LRRIQ1: variants seen among roughly 807,000 people sequenced by gnomAD.
LRRIQ1 encodes leucine rich repeats and IQ motif containing 1, also known as leucine-rich repeat- and IQ domain-containing protein 1.
LRRIQ1 carries 210 observed loss-of-function variants against 211.9 expected under a neutral mutation model. The ratio of observed to expected loss-of-function variants is 0.99; its 90% CI spans 0.89 to 1.11. The LOEUF is 1.11. LRRIQ1 is among the 50% of genes most tolerant of loss of function. The pLI, the probability that LRRIQ1 is intolerant of heterozygous loss-of-function variation, is 0.00. For synonymous variants in LRRIQ1, 699 were observed against 650.1 expected (o/e 1.08, Z -1.14); for missense variants, 2,136 against 1,939.5 (o/e 1.10, Z -1.90).
At position 85,056,403 on chromosome 12, in the gene LRRIQ1, A is replaced by G. The variant is rs762375963; in HGVS notation, c.1610A>G (p.Glu537Gly). 47 of 1,588,482 alleles carry G rather than the reference A, an allele frequency of 3.0e-5. 1 individual carries two copies. The South Asian group carries it at 5.6e-4, about 19-fold the overall frequency. ...GAATTAAAGTCTGATGCACAAAAAG[A>G]AGAAAAAATCATGAAACATGTCATA... ...LQELKSDAQK[E>G]EKIMKHVINE... Residue 537 changes from glutamate (E) to glycine (G), a missense_variant, in exon 8 of 27, where the codon GAA becomes GGA. By Grantham distance (98) the Glu-to-Gly change is moderately conservative. Transcript: ENST00000393217.
At chr12:85,197,227 G>T (rs1417974783) in intron 24 of LRRIQ1, among the ~76,000 whole-genome samples, 5 of 151,810 alleles carry the variant, frequency 3.3e-5, no homozygotes, top group African/African-American at 9.7e-5. Context: ...TACACTGTTG[G>T]TGGGACTTTA....
intron 24 of LRRIQ1, among the ~76,000 whole-genome samples, chr12:85,198,611 A>T (rs1021474623): frequency 1.3e-5 from 2 of 149,644 alleles, no homozygotes; most frequent in African/African-American, 5.0e-5. Flanking sequence ...TCTGTTTCCC[A>T]GGCTGGAGTG....
chr12:85,113,907 T>TTGTGTG (rs71076112), intron 15 of LRRIQ1, among the ~76,000 whole-genome samples: 3,948 of 140,930 alleles, frequency 0.028, 76 homozygotes, highest in African/African-American at 0.055. Flanking sequence ...CAAATGAGTT[T>TTGTGTG]TGTGTGTGTG....
chr12:85,154,119 A>T, intron 23 of LRRIQ1, 25 bp downstream of exon 23: 1 of 1,296,320 alleles, frequency 7.7e-7, no homozygotes, highest in South Asian at 1.6e-5. Flanking sequence ...CTCTTTGAAT[A>T]ATAACTGTGT....
At chr12:85,218,260 CT>C (rs1226430023) in intron 24 of LRRIQ1, among the ~76,000 whole-genome samples, 1 of 151,786 alleles carries the variant, frequency 6.6e-6, no homozygotes, top group Non-Finnish European at 1.5e-5. Flanking sequence ...ATTTTTCTGG[CT>C]AGTTTTGTGT....
chr12:85,085,196 T>C (rs556456543), intron 11 of LRRIQ1, among the ~76,000 whole-genome samples: 1 of 152,204 alleles, frequency 6.6e-6, no homozygotes, highest in East Asian at 1.9e-4. Flanking sequence ...GACTGGGTAA[T>C]TTATAAAGGG....
chr12:85,251,001 ATAAT>A (rs1288075793), intron 1 of LRRIQ1, among the ~76,000 whole-genome samples: 29 of 121,970 alleles, frequency 2.4e-4, no homozygotes, highest in Non-Finnish European at 3.9e-4. Context: ...TATATTATAT[ATAAT>A]ATATATACCT....
At chr12:85,057,270 A>G in intron 8 of LRRIQ1, 86 bp downstream of exon 8, 1 of 1,022,878 alleles carries the variant, frequency 9.8e-7, no homozygotes, top group African/African-American at 1.7e-5. Context: ...AAAAAGAAAT[A>G]TTTTGTATAC....
In LRRIQ1 at chr12:85,052,227, G is replaced by A. The variant is rs770705858; in HGVS notation, c.729G>A (p.Trp243Ter). 3 of 1,559,284 alleles carry A rather than the reference G, an allele frequency of 1.9e-6. No homozygotes were observed. Among genetic ancestry groups the A allele is most frequent in the Non-Finnish European group, 2.6e-6 (3 of 1,143,552 alleles). Residue 243 changes from tryptophan to a stop codon, truncating the protein, a stop_gained, in exon 7 of 27, where the codon TGG (tryptophan) becomes TGA (stop). Coordinates refer to ENST00000393217, the MANE Select transcript of LRRIQ1 (RefSeq NM_001079910.2). LOFTEE classifies it high-confidence loss of function. ...AACTCTATAAAGAAGAGAAAATTTG[G>A]AAAGAGAAATTTAAACAGCATGAGG... ...NDELYKEEKIWKEKFKQHEEY... is the reference protein window; with the variant it reads ...NDELYKEEKI
In LRRIQ1 at chr12:85,098,402, A is replaced by T; in HGVS notation, c.2935A>T (p.Asn979Tyr). ...KNLQQLILDH[N>Y]QLINTKGLCD... is the part of the protein sequence containing the mutation. Reference sequence around the variant, plus strand: ...TCTTCAACAACTAATTTTGGACCACAATCAGTTAATTAATACAAAAGGTCT... The same window carrying T: ...TCTTCAACAACTAATTTTGGACCACTATCAGTTAATTAATACAAAAGGTCT... Residue 979 changes from asparagine to tyrosine, a missense_variant, in exon 12 of 27, where the codon AAT becomes TAT. Coordinates refer to ENST00000393217, the MANE Select transcript of LRRIQ1 (RefSeq NM_001079910.2). The T allele has an allele frequency of 6.2e-7, 1 of 1,610,024 alleles. No individual in the cohort carries two copies. Among genetic ancestry groups the T allele is most frequent in the Non-Finnish European group, 8.5e-7 (1 of 1,178,246 alleles).
chr12:85,161,587 C>T (rs1890880063), intron 24 of LRRIQ1, among the ~76,000 whole-genome samples: 1 of 152,052 alleles, frequency 6.6e-6, no homozygotes, highest in Non-Finnish European at 1.5e-5. Context: ...TAGGCATCTT[C>T]ATAGCACGAT....
chr12:85,146,952 A>C (rs1229074232), intron 19 of LRRIQ1, among the ~76,000 whole-genome samples: 1 of 151,756 alleles, frequency 6.6e-6, no homozygotes, highest in Non-Finnish European at 1.5e-5. Flanking sequence ...ATTTTTCCTA[A>C]TCATTGCCTA....
Position 85,137,919 on chromosome 12 carries a change from T to A in LRRIQ1, c.4279T>A (p.Ser1427Thr). 1 of 1,543,600 alleles carries A rather than the reference T, an allele frequency of 6.5e-7. No individual in the cohort carries two copies. Among genetic ancestry groups the A allele is most frequent in the Non-Finnish European group, 8.9e-7 (1 of 1,120,608 alleles). Residue 1427 changes from serine (S) to threonine (T), a missense_variant, in exon 19 of 27, where the codon TCC becomes ACC. Coordinates refer to ENST00000393217, the MANE Select transcript of LRRIQ1 (RefSeq NM_001079910.2). ...TALEAIKNEE[S>T]DEEYREIDLE... ...TCTAGAGGCTATTAAGAATGAAGAA[T>A]CCGATGAAGAATACAGAGAAATAGA...
intron 1 of LRRIQ1, among the ~76,000 whole-genome samples, chr12:85,259,579 A>G (rs1896226543): frequency 6.6e-6 from 1 of 152,126 alleles, no homozygotes; most frequent in Non-Finnish European, 1.5e-5. Flanking sequence ...TACTGCTCAA[A>G]TTGTTACTTT....
rs556547145 is a variant in LRRIQ1 at position 85,241,673 on chromosome 12, AAGT to A, written c.5017-3113_5017-3111del. Among the ~76,000 whole-genome samples, 156 of 152,128 alleles carry A rather than the reference AAGT, an allele frequency of 1.0e-3. 1 individual carries two copies. Among genetic ancestry groups the A allele is most frequent in the African/African-American group, 3.4e-3 (140 of 41,554 alleles). Reference sequence around the variant, plus strand: ...TGTTTGATACATATGTAGAAAAACAAAGTAGCATGTAAGGGGACTTCATCTTTA... The same window carrying A: ...TGTTTGATACATATGTAGAAAAACAAAGCATGTAAGGGGACTTCATCTTTA... On this transcript the variant is annotated intron_variant, in intron 26 of 26. Coordinates refer to ENST00000393217, the MANE Select transcript of LRRIQ1 (RefSeq NM_001079910.2).
At chr12:85,264,879 C>A (rs1304103151), downstream of LRRIQ1, among the ~76,000 whole-genome samples, 1 of 152,046 alleles carries the variant, frequency 6.6e-6, no homozygotes, top group Admixed American at 6.6e-5. Flanking sequence ...TAATTCTCAC[C>A]TTTCTGTAAA....
At chr12:85,050,895 T>C (rs970074924) in intron 6 of LRRIQ1, among the ~76,000 whole-genome samples, 18 of 152,236 alleles carry the variant, frequency 1.2e-4, no homozygotes, top group African/African-American at 3.4e-4. Flanking sequence ...ATGTTTACGT[T>C]GTCTTTGCAT....
At chr12:85,093,865 T>G (rs1885632872) in intron 11 of LRRIQ1, among the ~76,000 whole-genome samples, 1 of 152,194 alleles carries the variant, frequency 6.6e-6, no homozygotes, top group Non-Finnish European at 1.5e-5. Context: ...CATCATTGCC[T>G]ATCTCAGCTT....
intron 26 of LRRIQ1, among the ~76,000 whole-genome samples, chr12:85,239,356 T>TACACACACACACACACACACAC (rs55912271): frequency 3.4e-5 from 5 of 145,150 alleles, no homozygotes; most frequent in African/African-American, 1.3e-4. Context: ...AACTGTTTTA[T>TACACACACACACACACACACAC]ACACACACAC....
Sources: gnomAD v4.1 joint callset for allele counts (sites outside exome capture counted in the v4.1 genomes callset) on GRCh38, gnomAD v4.1.1 for gene constraint, MANE v1.5 for transcripts, NCBI Gene and HGNC (gene_info 2026-07-23, HGNC 2026-07-21) for gene names.